Variants in IQSEC3 observed in about 807,000 individuals in gnomAD.
The protein encoded by IQSEC3 is IQ motif and Sec7 domain ArfGEF 3, also known as IQ motif and SEC7 domain-containing protein 3.
A neutral mutation model predicts 105.4 loss-of-function variants in IQSEC3; 50 were observed. That is an observed-to-expected ratio of 0.47 (90% CI 0.38 to 0.60). The LOEUF is 0.60. IQSEC3 is among the 20% of genes least tolerant of loss of function. IQSEC3 has a pLI of 0.00. For synonymous variants in IQSEC3, 708 were observed against 746.0 expected (o/e 0.95, Z 0.83); for missense variants, 1,415 against 1,630.0 (o/e 0.87, Z 2.27).
chr12:83,322 T>C (rs536345669), intron 1 of IQSEC3, among the ~76,000 whole-genome samples: 2 of 152,280 alleles, frequency 1.3e-5, no homozygotes, highest in Non-Finnish European at 2.9e-5. Flanking sequence ...ACAAAGCCCC[T>C]GCCGTCATGG....
rs182508033 is a variant in IQSEC3 at position 127,441 on chromosome 12, G to A, written c.903+1529G>A. Among the ~76,000 whole-genome samples the A allele has an allele frequency of 4.4e-3, 664 of 152,216 alleles. 17 individuals are homozygous for A. Among genetic ancestry groups the A allele is most frequent in the Admixed American group, 0.027 (416 of 15,298 alleles). On this transcript the variant is annotated intron_variant, in intron 3 of 13. Transcript: ENST00000538872. ...GGCTGAGGCAGAATTCCTTGAATGCGGGAGGCGGAGGTTGCAGTGAGCCAA... is the reference window on the plus strand; with the variant it reads ...GGCTGAGGCAGAATTCCTTGAATGCAGGAGGCGGAGGTTGCAGTGAGCCAA...
At chr12:112,721 T>C (rs1864932872) in intron 2 of IQSEC3, among the ~76,000 whole-genome samples, 1 of 152,112 alleles carries the variant, frequency 6.6e-6, no homozygotes, top group African/African-American at 2.4e-5. Flanking sequence ...TGGCCAGGGA[T>C]GGGACCTGCT....
At chr12:102,128 C>T (rs1486985970) in intron 2 of IQSEC3, among the ~76,000 whole-genome samples, 24 of 147,554 alleles carry the variant, frequency 1.6e-4, no homozygotes, top group Non-Finnish European at 2.4e-4. Flanking sequence ...GCTCCTCCCC[C>T]GTCAGTCTGG....
intron 4 of IQSEC3, 127 bp downstream of exon 4, chr12:139,481 C>A: frequency 1.4e-6 from 1 of 704,718 alleles, no homozygotes; most frequent in Non-Finnish European, 2.3e-6. Flanking sequence ...GTCCTCCAGG[C>A]AGGCGCATCT....
At chr12:166,029 C>T (rs1401712476) in intron 11 of IQSEC3, 139 bp downstream of exon 11, 1 of 882,362 alleles carries the variant, frequency 1.1e-6, no homozygotes, top group Non-Finnish European at 1.7e-6. Context: ...CACCGCACCA[C>T]ACTCCCACAG....
At chr12:173,709 G>A (rs1318311991) in intron 13 of IQSEC3, among the ~76,000 whole-genome samples, 1 of 152,192 alleles carries the variant, frequency 6.6e-6, no homozygotes, top group African/African-American at 2.4e-5. Context: ...ACGGGCAGGG[G>A]AGCTTGCGGG....
intron 1 of IQSEC3, among the ~76,000 whole-genome samples, chr12:70,122 C>T (rs1170295817): frequency 7.2e-5 from 11 of 152,380 alleles, no homozygotes; most frequent in South Asian, 2.1e-4. Flanking sequence ...AGCAAGAACG[C>T]GACCCCACTG....
chr12:100,685 G>A (rs1276224300), intron 2 of IQSEC3, among the ~76,000 whole-genome samples: 3 of 152,174 alleles, frequency 2.0e-5, no homozygotes, highest in African/African-American at 7.2e-5. Flanking sequence ...CAAGTTTTGG[G>A]CCAGGCCTGG....
intron 1 of IQSEC3, among the ~76,000 whole-genome samples, chr12:80,557 A>G (rs1002522787): frequency 1.3e-5 from 2 of 152,024 alleles, no homozygotes; most frequent in Admixed American, 1.3e-4. Flanking sequence ...GTAAGTATAT[A>G]TTTTCCTGGC....
At chr12:85,194 G>A (rs1402641543) in intron 1 of IQSEC3, among the ~76,000 whole-genome samples, 3 of 152,222 alleles carry the variant, frequency 2.0e-5, no homozygotes, top group South Asian at 2.1e-4. Flanking sequence ...CGTGCCCACA[G>A]CTGACGAAAG....
Position 90,844 on chromosome 12 carries a change from G to C in IQSEC3, c.555-8302G>C, listed in dbSNP as rs534728452. ...AATCAGAGGTTTCTGAAAAAATAAG[G>C]GTTTCTTTTCTTCCTATTTATTAAG... On this transcript the variant is annotated intron_variant, in intron 1 of 13. Transcript: ENST00000538872. Among the ~76,000 whole-genome samples the C allele has an allele frequency of 6.7e-4, 102 of 152,190 alleles. 1 individual carries two copies. Among genetic ancestry groups the C allele is most frequent in the African/African-American group, 2.3e-3 (95 of 41,522 alleles).
chr12:134,707 C>G (rs141853501), intron 3 of IQSEC3, among the ~76,000 whole-genome samples: 1,394 of 139,210 alleles, frequency 0.01, 16 homozygotes, highest in Middle Eastern at 0.065. Flanking sequence ...CCAGCCTGGC[C>G]AACATAGCAA....
chr12:113,483 T>C (rs576195098), intron 2 of IQSEC3, among the ~76,000 whole-genome samples: 88 of 152,348 alleles, frequency 5.8e-4, no homozygotes, highest in African/African-American at 2.1e-3. Flanking sequence ...TTGTTCCTGT[T>C]TGAATGTGTC....
Position 157,107 on chromosome 12 carries a change from G to C in IQSEC3, c.2236G>C (p.Gly746Arg). 1 of 1,601,236 alleles carries C rather than the reference G, an allele frequency of 6.2e-7. No homozygotes were observed. The highest frequency in any genetic ancestry group is 8.5e-7 in the Non-Finnish European group (1 of 1,173,766). The change falls in exon 6 of 14, where the codon GGG becomes CGG. Residue 746 changes from glycine (G) to arginine (R), a missense_variant. Coordinates refer to ENST00000538872, the MANE Select transcript of IQSEC3 (RefSeq NM_001170738.2). ...GTTCCAGGCACACATCCGTGTGCAG[G>C]GGGAGGCTCAGAAGGTGGAGCGGCT... ...RKFQAHIRVQ[G>R]EAQKVERLIE...
intron 5 of IQSEC3, chr12:148,833 C>T (rs1196545308): frequency 6.6e-6 from 1 of 152,140 alleles, no homozygotes; most frequent in Non-Finnish European, 1.5e-5. Flanking sequence ...AGGGCTTCAC[C>T]TTCCAGATCT....
chr12:135,829 G>C, intron 3 of IQSEC3, among the ~76,000 whole-genome samples: 1 of 152,192 alleles, frequency 6.6e-6, no homozygotes, highest in East Asian at 1.9e-4. Flanking sequence ...CAACAAGAGC[G>C]AGCTCAAAGG....
intron 1 of IQSEC3, among the ~76,000 whole-genome samples, chr12:91,409 T>G (rs147105977): frequency 6.6e-6 from 1 of 152,322 alleles, no homozygotes; most frequent in Non-Finnish European, 1.5e-5. Context: ...TTGATGCTCC[T>G]TCCCCATCTG....
chr12:92,405 G>A (rs1864116128), intron 1 of IQSEC3, among the ~76,000 whole-genome samples: 1 of 152,148 alleles, frequency 6.6e-6, no homozygotes, highest in African/African-American at 2.4e-5. Context: ...TGACTACAAT[G>A]TGAATGGTAC....
chr12:173,705 A>C (rs1262037987), intron 13 of IQSEC3, among the ~76,000 whole-genome samples: 1 of 152,182 alleles, frequency 6.6e-6, no homozygotes, highest in East Asian at 1.9e-4. Flanking sequence ...AGCCACGGGC[A>C]GGGGAGCTTG....
Sources: allele counts gnomAD v4.1 joint callset (sites outside exome capture counted in the v4.1 genomes callset), GRCh38; gene constraint gnomAD v4.1.1; transcripts MANE v1.5; gene names NCBI Gene and HGNC (gene_info 2026-07-23, HGNC 2026-07-21).